CTNND2: variants seen among roughly 807,000 people sequenced by gnomAD.
CTNND2 encodes the protein catenin delta-2.
Under a neutral mutation model 144.4 loss-of-function variants are expected in CTNND2, and 22 were observed. The observed-to-expected ratio is 0.15, with a 90% confidence interval of 0.11 to 0.22. CTNND2 has a LOEUF of 0.22. CTNND2 is among the 10% of genes least tolerant of loss of function. The pLI is 1.00. For missense variants in CTNND2, 1,353 were observed against 1,618.8 expected (o/e 0.84, Z 2.82); for synonymous variants, 751 against 695.6 (o/e 1.08, Z -1.25).
At chr5:11,517,109 A>G (rs1772233164) in intron 3 of CTNND2, among the ~76,000 whole-genome samples, 1 of 152,200 alleles carries the variant, frequency 6.6e-6, no homozygotes, top group African/African-American at 2.4e-5. Flanking sequence ...ACACTTAACC[A>G]TTGTGTTTAT....
chr5:11,496,286 C>T (rs145565776), intron 3 of CTNND2, among the ~76,000 whole-genome samples: 1 of 152,330 alleles, frequency 6.6e-6, no homozygotes, highest in Admixed American at 6.5e-5. Flanking sequence ...TCAGGTGCAC[C>T]AGGCCAGGGC....
At chr5:11,230,451 T>A (rs1740882669) in intron 10 of CTNND2, among the ~76,000 whole-genome samples, 1 of 152,150 alleles carries the variant, frequency 6.6e-6, no homozygotes, top group Non-Finnish European at 1.5e-5. Context: ...GAAGTGTCCA[T>A]GTTTAATAAT....
chr5:11,201,496 C>T (rs1314557024), intron 10 of CTNND2, among the ~76,000 whole-genome samples: 2 of 152,226 alleles, frequency 1.3e-5, no homozygotes, highest in Non-Finnish European at 2.9e-5. Flanking sequence ...ATAGAGCATG[C>T]TTCATTCATA....
chr5:11,430,862 AT>A (rs1466689456), intron 3 of CTNND2, among the ~76,000 whole-genome samples: 1 of 152,222 alleles, frequency 6.6e-6, no homozygotes, highest in Non-Finnish European at 1.5e-5. Context: ...TGAGCTATGC[AT>A]AGGGGTCATA....
intron 9 of CTNND2, among the ~76,000 whole-genome samples, chr5:11,285,839 C>T (rs1196277002): frequency 1.5e-5 from 1 of 66,484 alleles, no homozygotes; most frequent in Non-Finnish European, 3.6e-5. Context: ...GGTTTATTTC[C>T]AGGAACTGAG....
intron 1 of CTNND2, among the ~76,000 whole-genome samples, chr5:11,751,547 C>T (rs1788622559): frequency 6.6e-6 from 1 of 151,884 alleles, no homozygotes; most frequent in Non-Finnish European, 1.5e-5. Context: ...ATTCATGTTG[C>T]TTCAATGAAC....
intron 16 of CTNND2, among the ~76,000 whole-genome samples, chr5:11,028,901 G>C (rs1390198475): frequency 1.3e-5 from 2 of 152,116 alleles, no homozygotes; most frequent in Non-Finnish European, 2.9e-5. Flanking sequence ...GTAGATACAG[G>C]GTGTCACTAT....
At chr5:11,726,221 G>A (rs1402545418) in intron 2 of CTNND2, among the ~76,000 whole-genome samples, 1 of 151,906 alleles carries the variant, frequency 6.6e-6, no homozygotes, top group Non-Finnish European at 1.5e-5. Context: ...ATCAACAAAG[G>A]TAAAAATGTG....
rs140081189 is a variant in CTNND2 at position 11,156,371 on chromosome 5, G to A, written c.2159+3205C>T. On this transcript the variant is annotated intron_variant, in intron 12 of 21. Coordinates refer to ENST00000304623, the MANE Select transcript of CTNND2 (RefSeq NM_001332.4). ...AATCACATAAACAAGTCTGAATCCTGCTAGGAAGAAAAATCAAGAGTAATG... is the reference window on the plus strand; with the variant it reads ...AATCACATAAACAAGTCTGAATCCTACTAGGAAGAAAAATCAAGAGTAATG... Among the ~76,000 whole-genome samples the A allele has an allele frequency of 2.0e-4, 31 of 152,180 alleles. No individual in the cohort carries two copies. The East Asian group carries it at 5.4e-3, about 27-fold the overall frequency.
At chr5:11,201,210 G>A (rs1561012778) in intron 10 of CTNND2, among the ~76,000 whole-genome samples, 2 of 152,282 alleles carry the variant, frequency 1.3e-5, no homozygotes, top group South Asian at 4.1e-4. Flanking sequence ...AAATGTCTCT[G>A]TTATATATCC....
At chr5:11,067,694 C>A (rs1376075478) in intron 16 of CTNND2, among the ~76,000 whole-genome samples, 2 of 152,230 alleles carry the variant, frequency 1.3e-5, no homozygotes, top group African/African-American at 2.4e-5. Flanking sequence ...CTCCCTGGAG[C>A]CTTCCCAGAC....
intron 12 of CTNND2, among the ~76,000 whole-genome samples, chr5:11,122,491 G>C (rs986102151): frequency 6.6e-6 from 1 of 151,674 alleles, no homozygotes; most frequent in African/African-American, 2.4e-5. Flanking sequence ...CCTTCTCCTT[G>C]GCCTTCAGGG....
intron 9 of CTNND2, among the ~76,000 whole-genome samples, chr5:11,272,793 T>G (rs545921732): frequency 4.6e-5 from 7 of 152,190 alleles, no homozygotes; most frequent in Non-Finnish European, 8.8e-5. Flanking sequence ...GTATCTACTT[T>G]TATAATTCAG....
chr5:11,268,072 G>A (rs1745636288), intron 9 of CTNND2, among the ~76,000 whole-genome samples: 1 of 152,222 alleles, frequency 6.6e-6, no homozygotes, highest in South Asian at 2.1e-4. Context: ...AATGGTTGAA[G>A]AGACCTTGAA....
intron 9 of CTNND2, among the ~76,000 whole-genome samples, chr5:11,315,077 T>A (rs1003608723): frequency 2.0e-5 from 3 of 147,450 alleles, no homozygotes; most frequent in Middle Eastern, 3.5e-3. Context: ...CCAGTTTTTT[T>A]AAATTAAGCT....
chr5:11,614,579 A>G (rs1387245311), intron 2 of CTNND2, among the ~76,000 whole-genome samples: 1 of 152,276 alleles, frequency 6.6e-6, no homozygotes, highest in Non-Finnish European at 1.5e-5. Flanking sequence ...AGAGACATGT[A>G]CAAGGCTGTT....
At chr5:11,466,459 T>C (rs1766688595) in intron 3 of CTNND2, among the ~76,000 whole-genome samples, 1 of 152,176 alleles carries the variant, frequency 6.6e-6, no homozygotes, top group Non-Finnish European at 1.5e-5. Flanking sequence ...AATATACTAG[T>C]GTCCTCCAAA....
At chr5:11,280,076 C>A (rs1746965822) in intron 9 of CTNND2, among the ~76,000 whole-genome samples, 1 of 152,100 alleles carries the variant, frequency 6.6e-6, no homozygotes, top group Non-Finnish European at 1.5e-5. Context: ...AGAGTCAAAG[C>A]CCATACCCCA....
intron 16 of CTNND2, among the ~76,000 whole-genome samples, chr5:11,048,722 A>G (rs903564668): frequency 6.6e-6 from 1 of 152,224 alleles, no homozygotes; most frequent in Non-Finnish European, 1.5e-5. Flanking sequence ...TGCATACTAG[A>G]CTTGTGATTT....
Sources: gnomAD v4.1 joint callset for allele counts (sites outside exome capture counted in the v4.1 genomes callset) on GRCh38, gnomAD v4.1.1 for gene constraint, MANE v1.5 for transcripts, NCBI Gene and HGNC (gene_info 2026-07-23, HGNC 2026-07-21) for gene names.